Variants in SLC8A1 observed in about 807,000 individuals in gnomAD.
The protein encoded by SLC8A1 is sodium/calcium exchanger 1.
SLC8A1 carries 18 observed loss-of-function variants against 68.3 expected under a neutral mutation model. That is an observed-to-expected ratio of 0.26 (90% confidence interval 0.18 to 0.39). The LOEUF is 0.39. Among genes scored for constraint, SLC8A1 ranks in the 10% least tolerant of loss-of-function variants. The pLI is 1.00. For missense variants in SLC8A1, 985 were observed against 1,156.7 expected (o/e 0.85, Z 2.15); for synonymous variants, 475 against 415.5 (o/e 1.14, Z -1.74).
At chr2:40,449,991 G>A (rs1040472039) in intron 1 of SLC8A1, among the ~76,000 whole-genome samples, 5 of 152,148 alleles carry the variant, frequency 3.3e-5, no homozygotes, top group Admixed American at 6.5e-5. Flanking sequence ...AGATCCAAAT[G>A]GAATTCTTCA....
intron 2 of SLC8A1, among the ~76,000 whole-genome samples, chr2:40,347,243 T>C (rs2149431786): frequency 6.6e-6 from 1 of 152,258 alleles, no homozygotes; most frequent in South Asian, 2.1e-4. Flanking sequence ...CAAACGATCG[T>C]TCCAACCTTG....
intron 3 of SLC8A1, 110 bp downstream of exon 4, chr2:40,175,151 C>A (rs1035373215): frequency 5.3e-6 from 6 of 1,139,212 alleles, no homozygotes; most frequent in Admixed American, 2.0e-5. Context: ...AAACAACAAT[C>A]TTGCTAGCAA....
intron 2 of SLC8A1, among the ~76,000 whole-genome samples, chr2:40,199,216 T>C (rs1573941928): frequency 6.6e-6 from 1 of 151,760 alleles, no homozygotes; most frequent in African/African-American, 2.4e-5. Context: ...GACAGAGGAA[T>C]TAAATAATAA....
At chr2:40,251,750 C>CATTTAATAAGTAAA (rs2062788966) in intron 2 of SLC8A1, 1 of 152,132 alleles carries the variant, frequency 6.6e-6, no homozygotes, top group Non-Finnish European at 1.5e-5. Context: ...TGGAGGCCAC[C>CATTTAATAAGTAAA]ATTTAATAAG....
At chr2:40,243,081 T>C (rs764667029) in intron 2 of SLC8A1, among the ~76,000 whole-genome samples, 4 of 152,212 alleles carry the variant, frequency 2.6e-5, no homozygotes, top group Non-Finnish European at 5.9e-5. Flanking sequence ...AATACAGACA[T>C]TGAAGGCTCA....
At chr2:40,363,734 T>C (rs1437960874) in intron 2 of SLC8A1, among the ~76,000 whole-genome samples, 1 of 152,082 alleles carries the variant, frequency 6.6e-6, no homozygotes, top group Non-Finnish European at 1.5e-5. Context: ...ATCGCCTCGC[T>C]TGGATGATTA....
intron 2 of SLC8A1, among the ~76,000 whole-genome samples, chr2:40,291,503 C>T (rs929314206): frequency 6.6e-6 from 1 of 152,066 alleles, no homozygotes; most frequent in Non-Finnish European, 1.5e-5. Flanking sequence ...ATGATGTGAT[C>T]CGCTCCCATT....
chr2:40,257,263 C>G (rs1312313482), intron 2 of SLC8A1, among the ~76,000 whole-genome samples: 1 of 152,128 alleles, frequency 6.6e-6, no homozygotes, highest in Non-Finnish European at 1.5e-5. Flanking sequence ...CTGTCGTACT[C>G]TAGTGCCTTC....
At position 40,208,649 on chromosome 2, in the gene SLC8A1, T is replaced by C. The variant is rs118092329; in HGVS notation, c.1809-30794A>G. ...TTTGGCACATCAATCAACTCTGCTC[T>C]ATGATCCTATAAACAGGAAAGAGTT... On this transcript the variant is annotated intron_variant, in intron 2 of 7. Transcript: ENST00000406785. Among the ~76,000 whole-genome samples the C allele has an allele frequency of 9.6e-3, 1,456 of 152,294 alleles. 64 individuals carry two copies. Among genetic ancestry groups the C allele is most frequent in the Admixed American group, 0.081 (1,232 of 15,280 alleles).
chr2:40,378,651 G>A (rs1680726693), intron 2 of SLC8A1, among the ~76,000 whole-genome samples: 2 of 152,150 alleles, frequency 1.3e-5, no homozygotes, highest in Non-Finnish European at 2.9e-5. Context: ...TCCTGTGGAA[G>A]AGAAAGCTGC....
intron 2 of SLC8A1, among the ~76,000 whole-genome samples, chr2:40,206,887 G>A (rs1032508150): frequency 9.9e-5 from 15 of 152,012 alleles, no homozygotes; most frequent in Admixed American, 9.2e-4. Context: ...GTGCCACATT[G>A]TAAATGATCA....
intron 2 of SLC8A1, among the ~76,000 whole-genome samples, chr2:40,200,460 T>C (rs1467958555): frequency 6.7e-6 from 1 of 149,866 alleles, no homozygotes; most frequent in African/African-American, 2.5e-5. Context: ...TTTTCCCATG[T>C]AACATCTGGA....
At chr2:40,332,969 A>G (rs78810890) in intron 2 of SLC8A1, among the ~76,000 whole-genome samples, 2,352 of 152,358 alleles carry the variant, frequency 0.015, 38 homozygotes, top group Non-Finnish European at 0.024. Context: ...TCCTTTCTGC[A>G]CAATGCAATA....
exon 2 of SLC8A1, chr2:40,428,676 G>A: frequency 6.2e-7 from 1 of 1,613,772 alleles, no homozygotes; most frequent in Non-Finnish European, 8.5e-7. Context: ...TGCCTGCGTG[G>A]TCATCATCAA....
chr2:40,253,176 AATATAC>A (rs1274079006), intron 2 of SLC8A1, among the ~76,000 whole-genome samples: 1 of 142,676 alleles, frequency 7.0e-6, no homozygotes, highest in East Asian at 2.0e-4. Flanking sequence ...TATACACACA[AATATAC>A]ATATATACAC....
chr2:40,403,128 T>C (rs1219302916), intron 2 of SLC8A1, among the ~76,000 whole-genome samples: 1 of 152,220 alleles, frequency 6.6e-6, no homozygotes, highest in Non-Finnish European at 1.5e-5. Flanking sequence ...TAGATTAAAT[T>C]GGTATTTAAA....
intron 2 of SLC8A1, among the ~76,000 whole-genome samples, chr2:40,385,792 T>C (rs1432763225): frequency 2.0e-5 from 3 of 151,160 alleles, no homozygotes; most frequent in African/African-American, 4.9e-5. Context: ...CAAATATAAG[T>C]GTAAAATATG....
At chr2:40,257,042 A>G (rs373220697) in intron 2 of SLC8A1, among the ~76,000 whole-genome samples, 16 of 49,508 alleles carry the variant, frequency 3.2e-4, no homozygotes, top group South Asian at 1.4e-3. Context: ...ATAAATAAAT[A>G]AATAAATGAA....
intron 2 of SLC8A1, among the ~76,000 whole-genome samples, chr2:40,311,180 C>T (rs1348233546): frequency 6.6e-6 from 1 of 151,986 alleles, no homozygotes; most frequent in African/African-American, 2.4e-5. Context: ...GGAATTAGAA[C>T]AGTGATGCCC....
Sources: gnomAD v4.1 joint callset for allele counts (sites outside exome capture counted in the v4.1 genomes callset) on GRCh38, gnomAD v4.1.1 for gene constraint, MANE v1.5 for transcripts, NCBI Gene and HGNC (gene_info 2026-07-23, HGNC 2026-07-21) for gene names.